The following CYP26A1 variants were observed in gnomAD, a reference collection of about 807,000 sequenced individuals.
CYP26A1 encodes the protein cytochrome P450 family 26 subfamily A member 1, also known as cytochrome P450 26A1.
CYP26A1 carries 46 observed loss-of-function variants against 47.4 expected under a neutral mutation model. The ratio of observed to expected loss-of-function variants is 0.97; its 90% CI spans 0.77 to 1.24. The LOEUF (loss-of-function observed/expected upper bound fraction) is 1.24, where lower values mean the gene tolerates loss of function less well. CYP26A1 is among the 50% of genes most tolerant of loss of function. The pLI, the probability that CYP26A1 is intolerant of heterozygous loss-of-function variation, is 0.00. For missense variants in CYP26A1, 680 were observed against 644.4 expected (o/e 1.06, Z -0.60); for synonymous variants, 277 against 263.7 (o/e 1.05, Z -0.49).
In CYP26A1 at chr10:93,077,837, C is replaced by G. The variant is rs899528883; in HGVS notation, c.*533C>G. 1.3e-5 allele frequency: 2 copies of G among 152,180 alleles called. No homozygotes were observed. Among genetic ancestry groups the G allele is most frequent in the African/African-American group, 4.8e-5 (2 of 41,450 alleles). The allele number at this position is 152,180 out of a possible 1,614,324, so 9.4% of individuals were successfully genotyped here. A position where few individuals can be genotyped will look rare whatever the true frequency, so the allele number is the denominator to read the frequency against. ...ACTGAGAACTGTCACTCTAACCTCT[C>G]CAGCTTATCTAACATGTCATAAACA... On this transcript the variant is annotated 3_prime_UTR_variant, in exon 7 of 7. Transcript: ENST00000224356.
At chr10:93,075,604 C>T (rs984680907) in intron 4 of CYP26A1, 14 of 588,334 alleles carry the variant, frequency 2.4e-5, no homozygotes, top group Middle Eastern at 4.4e-4. Flanking sequence ...AAGACTTTAA[C>T]TCAGGAGTTT....
Position 93,074,061 on chromosome 10 carries a change from C to G in CYP26A1, c.127C>G (p.Pro43Ala). The change falls in exon 1 of 7, where the codon CCA becomes GCA. Residue 43 changes from proline (P) to alanine (A), a missense_variant. Pro to Ala is a conservative substitution (Grantham distance 27). Transcript: ENST00000224356. The surrounding 1 kb of genome is among the most constrained non-coding windows in gnomAD (Gnocchi z 5.3). ...CGGCCGCGACCGCAGTTGTGCCCTCCCATTGCCCCCCGGGACTATGGGCTT... is the reference window on the plus strand; with the variant it reads ...CGGCCGCGACCGCAGTTGTGCCCTCGCATTGCCCCCCGGGACTATGGGCTT... ...VSGRDRSCAL[P>A]LPPGTMGFPF... The G allele has an allele frequency of 6.2e-7, 1 of 1,602,178 alleles. No homozygotes were observed. The highest frequency in any genetic ancestry group is 8.5e-7 in the Non-Finnish European group (1 of 1,173,336).
Position 93,074,723 on chromosome 10 carries a change from G to T in CYP26A1, c.415-56G>T. On this transcript the variant is annotated intron_variant, in intron 2 of 6. Transcript: ENST00000224356. This position sits in a 1 kb window ranked among gnomAD's most constrained non-coding sequence, Gnocchi z 5.3. ...CTGGGGGTGTCTGGAAGGGGACGGC[G>T]GTAGACGAGAGGGGCGGATGGAGGC... The T allele has an allele frequency of 6.9e-7, 1 of 1,438,854 alleles. No homozygotes were observed. Among genetic ancestry groups the T allele is most frequent in the Non-Finnish European group, 9.5e-7 (1 of 1,049,884 alleles). The allele number at this position is 1,438,854 out of a possible 1,614,324, so 89.1% of individuals were successfully genotyped here.
In CYP26A1 at chr10:93,077,316, G is replaced by GTTCAAACC. The variant is rs768162822; in HGVS notation, c.*14_*21dup. On this transcript the variant is annotated 3_prime_UTR_variant, in exon 7 of 7. Transcript: ENST00000224356. ...ATGGGGAAATCTGATGAGCTTGAAT[G>GTTCAAACC]TTCAAACCTGAGACTTATTGGAAGT... The GTTCAAACC allele has an allele frequency of 8.9e-6, 13 of 1,460,496 alleles. No homozygotes were observed. The African/African-American group carries it at 1.4e-4, about 16-fold the overall frequency. 90.5% of individuals were successfully genotyped at this position (1,460,496 alleles called of 1,614,324 possible). A position where few individuals can be genotyped will look rare whatever the true frequency, so the allele number is the denominator to read the frequency against.
chr10:93,073,892 C>A, upstream of CYP26A1: 2 of 711,828 alleles, frequency 2.8e-6, no homozygotes, highest in Admixed American at 2.1e-5. Context: ...GGGTTTGAAG[C>A]GCTGGCGGCG....
In CYP26A1 at chr10:93,074,440, G is replaced by T. The variant is rs746771331; in HGVS notation, c.322G>T (p.Val108Leu). 5 of 1,611,828 alleles carry T rather than the reference G, an allele frequency of 3.1e-6. No individual in the cohort carries two copies. In the East Asian group the frequency reaches 1.1e-4, roughly 36 times the overall value. ...RRILLGEHRL[V>L]SVHWPASVRT... ...CATCTTGCTCGGAGAGCACCGGCTG[G>T]TGTCGGTCCACTGGCCAGCGTCGGT... is the stretch of plus-strand genomic sequence containing the variant. The change falls in exon 2 of 7, where the codon GTG (valine) becomes TTG (leucine). Residue 108 changes from valine (V) to leucine (L), a missense_variant. Val to Leu is a conservative substitution (Grantham distance 32). Coordinates refer to ENST00000224356, the MANE Select transcript of CYP26A1 (RefSeq NM_000783.4). The surrounding 1 kb of genome is among the most constrained non-coding windows in gnomAD (Gnocchi z 5.3).
In CYP26A1 at chr10:93,076,612, C is replaced by T. The variant is rs771602770; in HGVS notation, c.1068C>T (p.Ile356=). The part of the protein sequence containing the change: ...DMEILEQLKY[I]GCVIKETLRL... ...AAATTTTGGAACAACTTAAATACAT[C>T]GGGTGTGTTATTAAGGAGACCCTTC... The change falls in exon 6 of 7, where the codon ATC becomes ATT. Residue 356 remains isoleucine (I), a synonymous_variant. Transcript: ENST00000224356. 1.7e-5 allele frequency: 28 copies of T among 1,603,880 alleles called. No individual in the cohort carries two copies. Among genetic ancestry groups the T allele is most frequent in the South Asian group, 1.4e-4 (13 of 90,818 alleles).
upstream of CYP26A1, chr10:93,073,879 G>A (rs1160911345): frequency 3.0e-6 from 2 of 677,622 alleles, no homozygotes; most frequent in East Asian, 5.3e-5. Context: ...CGGCAGCGCC[G>A]TGGGGTTTGA....
Position 93,075,069 on chromosome 10 carries a change from G to A in CYP26A1, c.705G>A (p.Arg235=), listed in dbSNP as rs2134423108. ...ACGTGCCCTTCAGCGGGCTGTACCGGGTAAGGGCGGCAAACGGGCTGCGGA... is the reference window on the plus strand; with the variant it reads ...ACGTGCCCTTCAGCGGGCTGTACCGAGTAAGGGCGGCAAACGGGCTGCGGA... ...PIDVPFSGLY[R]GMKARNLIHA... The change falls in exon 3 of 7, where the codon CGG becomes CGA. Residue 235 remains arginine (R), a splice_region_variant and synonymous_variant. Coordinates refer to ENST00000224356, the MANE Select transcript of CYP26A1 (RefSeq NM_000783.4). 1.2e-6 allele frequency: 2 copies of A among 1,611,946 alleles called. No homozygotes were observed. Among genetic ancestry groups the A allele is most frequent in the East Asian group, 4.5e-5 (2 of 44,864 alleles).
chr10:93,074,264 G>T lies in CYP26A1; in HGVS notation c.190-44G>T. On this transcript the variant is annotated intron_variant, in intron 1 of 6. Coordinates refer to ENST00000224356, the MANE Select transcript of CYP26A1 (RefSeq NM_000783.4). The surrounding 1 kb of genome is among the most constrained non-coding windows in gnomAD (Gnocchi z 5.3). ...GCTGGCGGGAGCGCGGCGCTCCCCG[G>T]CGCCCCCTCATGCCCACTTCTCTCC... 1 of 1,519,886 alleles carries T rather than the reference G, an allele frequency of 6.6e-7. No individual in the cohort carries two copies. Among genetic ancestry groups the T allele is most frequent in the Non-Finnish European group, 9.1e-7 (1 of 1,102,026 alleles). 94.1% of individuals were successfully genotyped at this position (1,519,886 alleles called of 1,614,324 possible).
rs1236053222 is a variant in CYP26A1, at chr10:93,075,913, C to T, written c.952C>T (p.Leu318Phe). 1.2e-6 allele frequency: 2 copies of T among 1,611,832 alleles called. No homozygotes were observed. Among genetic ancestry groups the T allele is most frequent in the Non-Finnish European group, 1.7e-6 (2 of 1,177,886 alleles). Residue 318 changes from leucine (L) to phenylalanine (F), a missense_variant, in exon 5 of 7, where the codon CTC (leucine) becomes TTC (phenylalanine). By Grantham distance (22) the Leu-to-Phe change is conservative (BLOSUM62 0). Coordinates refer to ENST00000224356, the MANE Select transcript of CYP26A1 (RefSeq NM_000783.4). ...CACATCTCTGATCACTTACCTGGGG[C>T]TCTACCCACATGTTCTCCAGAAAGT... The part of the protein sequence containing the change: ...AATSLITYLG[L>F]YPHVLQKVRE...
intron 6 of CYP26A1, 69 bp from the exon 7 acceptor site, chr10:93,076,894 T>C: frequency 1.8e-6 from 2 of 1,133,806 alleles, no homozygotes; most frequent in Non-Finnish European, 2.5e-6. Context: ...AAGATATCAG[T>C]GACTGCTTTT....
Position 93,076,997 on chromosome 10 carries a change from A to G in CYP26A1, c.1187A>G (p.Tyr396Cys), listed in dbSNP as rs2134425148. 2 of 1,609,872 alleles carry G rather than the reference A, an allele frequency of 1.2e-6. No individual in the cohort carries two copies. The highest frequency in any genetic ancestry group is 1.7e-6 in the Non-Finnish European group (2 of 1,176,560). Residue 396 changes from tyrosine (Y) to cysteine (C), a missense_variant, in exon 7 of 7, where the codon TAC becomes TGC. Physicochemically the swap from Tyr to Cys is radical, Grantham distance 194. Coordinates refer to ENST00000224356, the MANE Select transcript of CYP26A1 (RefSeq NM_000783.4). ...ATTCCCAAGGGCTGGAATGTTATCT[A>G]CAGTATCTGTGATACTCATGATGTG... ...YQIPKGWNVI[Y>C]SICDTHDVAE...
chr10:93,074,598 T>G lies in CYP26A1; in HGVS notation c.414+66T>G, dbSNP rs1405444356. The G allele has an allele frequency of 8.5e-7, 1 of 1,182,506 alleles. No homozygotes were observed. Among genetic ancestry groups the G allele is most frequent in the East Asian group, 2.3e-5 (1 of 42,628 alleles). The allele number at this position is 1,182,506 out of a possible 1,614,324, so 73.3% of individuals were successfully genotyped here. Reference sequence around the variant, plus strand: ...CATTTATGAGCGGAATTCCGGCTGATGGATGCTAGGCGCGGGCTAGCAGCT... The same window carrying G: ...CATTTATGAGCGGAATTCCGGCTGAGGGATGCTAGGCGCGGGCTAGCAGCT... On this transcript the variant is annotated intron_variant, in intron 2 of 6. Coordinates refer to ENST00000224356, the MANE Select transcript of CYP26A1 (RefSeq NM_000783.4). The surrounding 1 kb of genome is among the most constrained non-coding windows in gnomAD (Gnocchi z 5.3).
Position 93,074,196 on chromosome 10 carries a change from G to T in CYP26A1, c.189+73G>T. On this transcript the variant is annotated intron_variant, in intron 1 of 6. Transcript: ENST00000224356. The surrounding 1 kb of genome is among the most constrained non-coding windows in gnomAD (Gnocchi z 5.3). ...GGCTCTGGGCTTCTGCTGAAGTCGGGGTAGGCGCCCCCGGGAGGCATGCTA... is the reference window on the plus strand; with the variant it reads ...GGCTCTGGGCTTCTGCTGAAGTCGGTGTAGGCGCCCCCGGGAGGCATGCTA... The T allele has an allele frequency of 1.3e-6, 2 of 1,518,408 alleles. No homozygotes were observed. The highest frequency in any genetic ancestry group is 1.8e-6 in the Non-Finnish European group (2 of 1,130,864). 94.1% of individuals were successfully genotyped at this position (1,518,408 alleles called of 1,614,324 possible).
At position 93,075,826 on chromosome 10, in the gene CYP26A1, G is replaced by T. The variant is rs1336180048; in HGVS notation, c.865G>T (p.Ala289Ser). ...AATGTGGGTCTCACTCTATTCTTAG[G>T]CACTAAAGCAATCTTCAACCGAACT... ...WERGERLDMQ[A>S]LKQSSTELLF... Residue 289 changes from alanine to serine, a missense_variant and splice_region_variant, in exon 5 of 7, where the codon GCA becomes TCA. Ala to Ser is a moderately conservative substitution (Grantham distance 99). Coordinates refer to ENST00000224356, the MANE Select transcript of CYP26A1 (RefSeq NM_000783.4). 2.5e-6 allele frequency: 4 copies of T among 1,610,918 alleles called. No homozygotes were observed. In the Admixed American group the frequency reaches 5.0e-5, roughly 20 times the overall value.
In CYP26A1 at chr10:93,074,354, A is replaced by G. The variant is rs760754999; in HGVS notation, c.236A>G (p.Tyr79Cys). ...QMKRRKYGFI[Y>C]KTHLFGRPTV... ...AAGCGCAGGAAATACGGCTTCATCT[A>G]CAAGACGCATCTGTTCGGGCGGCCC... is the stretch of plus-strand genomic sequence containing the variant. Residue 79 changes from tyrosine (Y) to cysteine (C), a missense_variant, in exon 2 of 7, where the codon TAC becomes TGC. Transcript: ENST00000224356. This position sits in a 1 kb window ranked among gnomAD's most constrained non-coding sequence, Gnocchi z 5.3. 1 of 1,611,796 alleles carries G rather than the reference A, an allele frequency of 6.2e-7. No homozygotes were observed. The highest frequency in any genetic ancestry group is 8.5e-7 in the Non-Finnish European group (1 of 1,178,596).
chr10:93,075,352 G>A (rs1480577534), intron 4 of CYP26A1, 45 bp downstream of exon 4: 2 of 1,583,162 alleles, frequency 1.3e-6, no homozygotes, highest in African/African-American at 1.3e-5. Flanking sequence ...TTGGTCCCCT[G>A]GCTTTCCAAG....
rs1454518722 is a variant in CYP26A1 at position 93,077,862 on chromosome 10, A to C, written c.*558A>C. ...CCAGCTTATCTAACATGTCATAAAC[A>C]TAATAAATCTGTGTTGTCCAATAGT... On this transcript the variant is annotated 3_prime_UTR_variant, in exon 7 of 7. Coordinates refer to ENST00000224356, the MANE Select transcript of CYP26A1 (RefSeq NM_000783.4). 1 of 152,250 alleles carries C rather than the reference A, an allele frequency of 6.6e-6. No homozygotes were observed. Among genetic ancestry groups the C allele is most frequent in the Non-Finnish European group, 1.5e-5 (1 of 68,054 alleles). 9.4% of individuals were successfully genotyped at this position (152,250 alleles called of 1,614,324 possible).
Sources: gnomAD v4.1 joint callset for allele counts on GRCh38, gnomAD v4.1.1 for gene constraint, Gnocchi (gnomAD v3.1) non-coding constraint, MANE v1.5 for transcripts, NCBI Gene and HGNC (gene_info 2026-07-23, HGNC 2026-07-21) for gene names.